PSMG2: variants seen among roughly 807,000 people sequenced by gnomAD.
PSMG2 encodes CD40 ligand-activated specific transcript 3.
In PSMG2, 21 loss-of-function variants were observed where a neutral mutation model predicts 31.5. The ratio of observed to expected loss-of-function variants is 0.67; its 90% confidence interval spans 0.47 to 0.96. PSMG2 has a LOEUF of 0.96. PSMG2 is among the 40% of genes least tolerant of loss of function. PSMG2 has a pLI of 0.00. For synonymous variants in PSMG2, 120 were observed against 110.4 expected (o/e 1.09, Z -0.54); for missense variants, 318 against 321.2 (o/e 0.99, Z 0.08).
intron 1 of PSMG2, among the ~76,000 whole-genome samples, chr18:12,670,007 GAAAAGA>G (rs1217929363): frequency 6.9e-5 from 10 of 145,164 alleles, no homozygotes; most frequent in East Asian, 5.9e-4. Flanking sequence ...AAAAAAAAAA[GAAAAGA>G]AAAAGAAAAA....
chr18:12,672,910 A>G, intron 1 of PSMG2: 2 of 984,132 alleles, frequency 2.0e-6, no homozygotes, highest in African/African-American at 1.7e-5. Context: ...ATTTTCACCA[A>G]TGCAATAAAT....
chr18:12,711,750 C>CTTTTT lies in PSMG2; in HGVS notation c.230-935_230-931dup, dbSNP rs34631690. ...ATCCCTGACTCAGGAGCTTCTCATT[C>CTTTTT]TTTTTTTTTTTTTTTTTTTTTGAGA... On this transcript the variant is annotated intron_variant, in intron 2 of 6. Coordinates refer to ENST00000317615, the MANE Select transcript of PSMG2 (RefSeq NM_020232.5). Among the ~76,000 whole-genome samples the CTTTTT allele has an allele frequency of 1.2e-3, 116 of 97,510 alleles. 2 individuals carry two copies. Among genetic ancestry groups the CTTTTT allele is most frequent in the African/African-American group, 1.4e-3 (35 of 24,810 alleles). The allele number at this position is 97,510 out of a possible 152,430, so 64.0% of individuals were successfully genotyped here.
intron 3 of PSMG2, among the ~76,000 whole-genome samples, chr18:12,716,750 A>G (rs1425445149): frequency 6.6e-6 from 1 of 152,022 alleles, no homozygotes; most frequent in Non-Finnish European, 1.5e-5. Context: ...TTGTGCTGAT[A>G]CTGTTCTAAG....
upstream of PSMG2, chr18:12,699,256 G>A: frequency 8.0e-7 from 1 of 1,246,564 alleles, no homozygotes; most frequent in Non-Finnish European, 1.2e-6. Flanking sequence ...TTAAAAGAAT[G>A]TGATCAAGAC....
At chr18:12,680,912 T>G (rs914462817) in intron 1 of PSMG2, 1 of 1,276,388 alleles carries the variant, frequency 7.8e-7, no homozygotes, top group Non-Finnish European at 1.1e-6. Flanking sequence ...TAATAAAAAT[T>G]TATTGGCTGG....
At chr18:12,719,501 C>T (rs1475469986) in intron 4 of PSMG2, among the ~76,000 whole-genome samples, 2 of 151,920 alleles carry the variant, frequency 1.3e-5, no homozygotes, top group Non-Finnish European at 2.9e-5. Flanking sequence ...GATTCTCCTG[C>T]CTCAGCCTCC....
At chr18:12,688,603 T>C (rs1000603350) in intron 1 of PSMG2, among the ~76,000 whole-genome samples, 2 of 152,182 alleles carry the variant, frequency 1.3e-5, no homozygotes, top group Non-Finnish European at 2.9e-5. Context: ...TCTAAATATA[T>C]CCCCACAAGC....
At chr18:12,717,643 T>TC (rs1224102123) in intron 3 of PSMG2, among the ~76,000 whole-genome samples, 1 of 152,244 alleles carries the variant, frequency 6.6e-6, no homozygotes, top group African/African-American at 2.4e-5. Context: ...CCACAGCTGT[T>TC]CCGAAAGTAT....
In PSMG2 at chr18:12,709,785, C is replaced by T. The variant is rs539290160; in HGVS notation, c.230-2917C>T. Among the ~76,000 whole-genome samples, 6 of 152,188 alleles carry T rather than the reference C, an allele frequency of 3.9e-5. No homozygotes were observed. In the East Asian group the frequency reaches 1.2e-3, roughly 30 times the overall value. ...AGAGTGCTGGGATTACAGGCGTGAG[C>T]CACCACGCCTGGCCTAATTTTTGTA... On this transcript the variant is annotated intron_variant, in intron 2 of 6. Transcript: ENST00000317615.
chr18:12,701,941 C>T (rs958088801), upstream of PSMG2, among the ~76,000 whole-genome samples: 1 of 152,038 alleles, frequency 6.6e-6, no homozygotes, highest in Non-Finnish European at 1.5e-5. Flanking sequence ...CCAGCCACAC[C>T]AACATGGTGA....
At chr18:12,720,234 C>A (rs1204497223) in intron 4 of PSMG2, among the ~76,000 whole-genome samples, 4 of 152,152 alleles carry the variant, frequency 2.6e-5, no homozygotes, top group Non-Finnish European at 4.4e-5. Flanking sequence ...GAGCTAATTT[C>A]CAGGACTTTC....
At chr18:12,695,280 A>G in intron 1 of PSMG2, 1 of 1,554,992 alleles carries the variant, frequency 6.4e-7, no homozygotes, top group Non-Finnish European at 8.8e-7. Flanking sequence ...TCTTGAGATA[A>G]CGTTTGATTG....
intron 1 of PSMG2, among the ~76,000 whole-genome samples, chr18:12,690,980 A>T (rs1443422460): frequency 6.6e-6 from 1 of 150,684 alleles, no homozygotes; most frequent in Non-Finnish European, 1.5e-5. Context: ...TTTACATATA[A>T]CCTGCAAAGT....
intron 4 of PSMG2, among the ~76,000 whole-genome samples, chr18:12,719,651 T>C (rs2040411529): frequency 6.6e-6 from 1 of 151,350 alleles, no homozygotes; most frequent in Non-Finnish European, 1.5e-5. Context: ...TCTCCCAAAA[T>C]GCTGGGATTA....
At chr18:12,706,864 C>T (rs1265285153) in intron 2 of PSMG2, 143 bp downstream of exon 2, 2 of 828,272 alleles carry the variant, frequency 2.4e-6, no homozygotes, top group Admixed American at 6.8e-5. Context: ...TCACATTGTC[C>T]TATTCTTTTA....
At chr18:12,678,504 G>T in intron 1 of PSMG2, 1 of 1,134,846 alleles carries the variant, frequency 8.8e-7, no homozygotes. Context: ...GCATCTTACT[G>T]AGAAAATTAT....
chr18:12,698,859 A>G, upstream of PSMG2: 1 of 711,636 alleles, frequency 1.4e-6, no homozygotes, highest in East Asian at 2.7e-5. Flanking sequence ...GCAGTGGGAA[A>G]CAAAATAGAG....
In PSMG2 at chr18:12,720,566, TAAAG is replaced by T. The variant is rs750822950; in HGVS notation, c.466_469del (p.Lys156AlafsTer16). 2 of 1,612,934 alleles carry T rather than the reference TAAAG, an allele frequency of 1.2e-6. No homozygotes were observed. Among genetic ancestry groups the T allele is most frequent in the East Asian group, 2.2e-5 (1 of 44,864 alleles). On this transcript the variant is annotated frameshift_variant, in exon 5 of 7. Coordinates refer to ENST00000317615, the MANE Select transcript of PSMG2 (RefSeq NM_020232.5). LOFTEE classifies it high-confidence loss of function. The stretch of plus-strand genomic sequence containing the variant: ...ATGCAAAAAAGTGTTCAAAATAAAA[TAAAG>T]AGCCTTAACTGGGAAGAAATGGAAA...
intron 1 of PSMG2, chr18:12,672,712 C>T: frequency 1.0e-6 from 1 of 969,724 alleles, no homozygotes; most frequent in South Asian, 4.8e-5. Flanking sequence ...TTCATTTTTA[C>T]AACAAATCAC....
Sources: gnomAD v4.1 joint callset for allele counts (sites outside exome capture counted in the v4.1 genomes callset) on GRCh38, gnomAD v4.1.1 for gene constraint, MANE v1.5 for transcripts, NCBI Gene and HGNC (gene_info 2026-07-23, HGNC 2026-07-21) for gene names.